Variants in CTNNA1 observed in about 807,000 individuals in gnomAD.
CTNNA1 encodes the protein catenin alpha 1.
Under a neutral mutation model 98.4 loss-of-function variants are expected in CTNNA1, and 37 were observed. The ratio of observed to expected loss-of-function variants is 0.38; its 90% confidence interval spans 0.29 to 0.49. The LOEUF is 0.49. CTNNA1 is among the 20% of genes least tolerant of loss of function. CTNNA1 has a pLI of 0.95. For synonymous variants in CTNNA1, 404 were observed against 413.2 expected (o/e 0.98, Z 0.27); for missense variants, 761 against 1,147.2 (o/e 0.66, Z 4.86).
chr5:138,819,905 G>C (rs886427365), intron 5 of CTNNA1, among the ~76,000 whole-genome samples: 3 of 151,884 alleles, frequency 2.0e-5, no homozygotes, highest in Admixed American at 1.3e-4. Flanking sequence ...TTGGGAGTGA[G>C]TTCTCACAGA....
intron 1 of CTNNA1, among the ~76,000 whole-genome samples, chr5:138,778,447 G>T (rs1163397611): frequency 6.6e-6 from 1 of 152,180 alleles, no homozygotes; most frequent in African/African-American, 2.4e-5. Context: ...CGTGTTAGGA[G>T]ATACGTGATG....
chr5:138,868,828 G>A, intron 7 of CTNNA1: 1 of 152,036 alleles, frequency 6.6e-6, no homozygotes, highest in Non-Finnish European at 1.5e-5. Flanking sequence ...TAAAACAACT[G>A]TTCATTTAAG....
At chr5:138,758,901 T>C (rs1399031428) in intron 1 of CTNNA1, among the ~76,000 whole-genome samples, 1 of 151,936 alleles carries the variant, frequency 6.6e-6, no homozygotes, top group Non-Finnish European at 1.5e-5. Context: ...CCTCCTGGCT[T>C]TAAGCGATTC....
chr5:138,799,827 T>G (rs1757364440), intron 3 of CTNNA1, among the ~76,000 whole-genome samples: 1 of 152,062 alleles, frequency 6.6e-6, no homozygotes, highest in Non-Finnish European at 1.5e-5. Flanking sequence ...TCATTAGGGC[T>G]GTGAGCTAAA....
chr5:138,854,858 A>AT (rs886215208), intron 7 of CTNNA1, among the ~76,000 whole-genome samples: 1 of 152,176 alleles, frequency 6.6e-6, no homozygotes, highest in Non-Finnish European at 1.5e-5. Context: ...ACTTTGAGTG[A>AT]TTCTCCTCCC....
At chr5:138,822,831 G>T (rs1185367489) in intron 5 of CTNNA1, among the ~76,000 whole-genome samples, 3 of 152,162 alleles carry the variant, frequency 2.0e-5, no homozygotes, top group African/African-American at 7.2e-5. Flanking sequence ...TTTGAATAAA[G>T]ATGCAAACCT....
At chr5:138,778,631 T>C (rs2149638639) in intron 1 of CTNNA1, among the ~76,000 whole-genome samples, 1 of 152,348 alleles carries the variant, frequency 6.6e-6, no homozygotes, top group South Asian at 2.1e-4. Flanking sequence ...ATCTACTTGG[T>C]TAGCATTCTT....
At chr5:138,764,733 A>G (rs1752724871) in intron 1 of CTNNA1, among the ~76,000 whole-genome samples, 1 of 151,822 alleles carries the variant, frequency 6.6e-6, no homozygotes, top group Non-Finnish European at 1.5e-5. Flanking sequence ...AGCCTCCCAA[A>G]GTGCTGGGAT....
intron 7 of CTNNA1, among the ~76,000 whole-genome samples, chr5:138,865,131 A>T (rs2149895723): frequency 6.6e-6 from 1 of 152,240 alleles, no homozygotes; most frequent in South Asian, 2.1e-4. Context: ...TTTTAATTTT[A>T]AATTGTACTC....
chr5:138,872,925 C>T, intron 7 of CTNNA1: 1 of 957,882 alleles, frequency 1.0e-6, no homozygotes, highest in Non-Finnish European at 1.5e-6. Context: ...TTAATGTCAC[C>T]ATTGGTAAAA....
At chr5:138,894,402 C>G (rs913540761) in intron 9 of CTNNA1, among the ~76,000 whole-genome samples, 6 of 151,418 alleles carry the variant, frequency 4.0e-5, no homozygotes, top group African/African-American at 1.5e-4. Flanking sequence ...CCATCTCAGC[C>G]TCCTGAGTAG....
intron 9 of CTNNA1, among the ~76,000 whole-genome samples, chr5:138,894,880 C>G (rs1332155722): frequency 6.6e-6 from 1 of 152,160 alleles, no homozygotes; most frequent in Non-Finnish European, 1.5e-5. Context: ...CATACCTAAA[C>G]ATGTCACCAC....
rs1193591909 is a variant in CTNNA1, at chr5:138,848,246, A to G, written c.1062+20528A>G. Among the ~76,000 whole-genome samples, 4 of 152,388 alleles carry G rather than the reference A, an allele frequency of 2.6e-5. No individual in the cohort carries two copies. The East Asian group carries it at 7.7e-4, about 29-fold the overall frequency. On this transcript the variant is annotated intron_variant, in intron 7 of 17. Coordinates refer to ENST00000302763, the MANE Select transcript of CTNNA1 (RefSeq NM_001903.5). ...TTTCCTCAACTGGGAACTGGGGATG[A>G]TAATGGTGCCTATGCACCCATCATG...
chr5:138,813,805 T>C (rs1410143917), intron 5 of CTNNA1, among the ~76,000 whole-genome samples: 1 of 152,074 alleles, frequency 6.6e-6, no homozygotes, highest in Non-Finnish European at 1.5e-5. Flanking sequence ...TTTTTGTAGA[T>C]ACAGGATTTT....
intron 7 of CTNNA1, among the ~76,000 whole-genome samples, chr5:138,837,220 T>A (rs1761860247): frequency 6.6e-6 from 1 of 152,226 alleles, no homozygotes; most frequent in African/African-American, 2.4e-5. Context: ...TTCATTCTTT[T>A]CTTGCAGTGT....
chr5:138,814,808 C>T (rs1759249402), intron 5 of CTNNA1, among the ~76,000 whole-genome samples: 1 of 151,814 alleles, frequency 6.6e-6, no homozygotes, highest in Non-Finnish European at 1.5e-5. Flanking sequence ...CGCTGGAGTG[C>T]AGTGGTGCGA....
chr5:138,775,893 T>C (rs1382593430), intron 1 of CTNNA1, among the ~76,000 whole-genome samples: 7 of 151,310 alleles, frequency 4.6e-5, no homozygotes, highest in Non-Finnish European at 8.9e-5. Context: ...TGGCTAATTT[T>C]TTTTTTGTAT....
At chr5:138,790,028 T>C (rs755952320) in intron 3 of CTNNA1, among the ~76,000 whole-genome samples, 2 of 152,204 alleles carry the variant, frequency 1.3e-5, no homozygotes, top group Non-Finnish European at 2.9e-5. Flanking sequence ...AAGTGGAGTT[T>C]TTGCAGGGAG....
chr5:138,760,842 G>GT (rs1411790325), intron 1 of CTNNA1, among the ~76,000 whole-genome samples: 2 of 152,306 alleles, frequency 1.3e-5, no homozygotes, highest in Admixed American at 1.3e-4. Flanking sequence ...TTGAAGTGGT[G>GT]TGACTGTAGG....
Sources: allele counts gnomAD v4.1 joint callset (sites outside exome capture counted in the v4.1 genomes callset), GRCh38; gene constraint gnomAD v4.1.1; transcripts MANE v1.5; gene names NCBI Gene and HGNC (gene_info 2026-07-23, HGNC 2026-07-21).